HCFC2: variants seen among roughly 807,000 people sequenced by gnomAD.
HCFC2 encodes host cell factor C2.
In HCFC2, 18 loss-of-function variants were observed where a neutral mutation model predicts 89.2. The observed-to-expected ratio is 0.20, with a 90% CI of 0.14 to 0.30. The LOEUF (loss-of-function observed/expected upper bound fraction) is 0.30. Among genes scored for constraint, HCFC2 ranks in the 10% least tolerant of loss-of-function variants. The probability of loss-of-function intolerance (pLI) is 1.00; values close to 1 mark genes in which losing one functional copy is unlikely to be tolerated. For missense variants in HCFC2, 578 were observed against 956.1 expected, an observed-to-expected ratio of 0.60 and a Z score of 5.21; for synonymous variants, 308 against 335.7, an observed-to-expected ratio of 0.92 and a Z score of 0.90.
chr12:104,093,494 T>C lies in HCFC2; in HGVS notation c.1393T>C (p.Tyr465His). The C allele has an allele frequency of 1.2e-6, 2 of 1,613,120 alleles. No homozygotes were observed. The highest frequency in any genetic ancestry group is 2.2e-5 in the South Asian group (2 of 91,062). ...ACTGACGGATTCTAATGCCATTTTA[T>C]ATCCATCTTTGGCATCAAATGCTTC... Reference protein sequence around the residue: ...KALTDSNAILYPSLASNASNH... With the variant: ...KALTDSNAILHPSLASNASNH... Residue 465 changes from tyrosine to histidine, a missense_variant, in exon 10 of 15, where the codon TAT becomes CAT. By Grantham distance (83) the Tyr-to-His change is moderately conservative. Coordinates refer to ENST00000229330, the MANE Select transcript of HCFC2 (RefSeq NM_013320.3).
chr12:104,066,051 T>G (rs1883122568), intron 1 of HCFC2, 116 bp from the exon 2 acceptor site: 21 of 999,690 alleles, frequency 2.1e-5, no homozygotes, highest in Non-Finnish European at 3.1e-5. Flanking sequence ...AAATGTCTTC[T>G]GGGGGGCAGA....
At chr12:104,099,653 G>A (rs1014818005) in intron 13 of HCFC2, among the ~76,000 whole-genome samples, 1 of 151,992 alleles carries the variant, frequency 6.6e-6, no homozygotes, top group East Asian at 1.9e-4. Context: ...CACTGAGGTG[G>A]AGAGTTTTTT....
chr12:104,093,028 G>T (rs940255233), intron 9 of HCFC2, among the ~76,000 whole-genome samples: 1 of 152,226 alleles, frequency 6.6e-6, no homozygotes, highest in East Asian at 1.9e-4. Flanking sequence ...ATACATGTCT[G>T]CCCTTTAAGA....
chr12:104,075,736 C>T (rs2136601929), intron 3 of HCFC2, among the ~76,000 whole-genome samples: 1 of 152,256 alleles, frequency 6.6e-6, no homozygotes, highest in South Asian at 2.1e-4. Context: ...CTGGGATTAC[C>T]CGCTTGAGCC....
At chr12:104,102,878 T>G (rs2029990295) in intron 14 of HCFC2, 81 bp from the exon 15 acceptor site, 1 of 1,160,580 alleles carries the variant, frequency 8.6e-7, no homozygotes, top group African/African-American at 1.6e-5. Context: ...CATTTTGTAT[T>G]CTAAAGATAG....
At chr12:104,088,636 A>G (rs999912242) in intron 9 of HCFC2, among the ~76,000 whole-genome samples, 3 of 152,168 alleles carry the variant, frequency 2.0e-5, no homozygotes. Flanking sequence ...GTTTTCAAGG[A>G]AATTGATGTA....
intron 3 of HCFC2, among the ~76,000 whole-genome samples, chr12:104,077,350 C>T (rs1883528398): frequency 6.6e-6 from 1 of 151,822 alleles, no homozygotes; most frequent in African/African-American, 2.4e-5. Flanking sequence ...TCAAGTGATT[C>T]TCTTGCCTCA....
At chr12:104,086,774 T>A in intron 7 of HCFC2, 73 bp from the exon 8 acceptor site, 6 of 1,355,204 alleles carry the variant, frequency 4.4e-6, no homozygotes, top group Non-Finnish European at 6.2e-6. Context: ...AAAGCTCTGG[T>A]CCACACAAAT....
In HCFC2 at chr12:104,082,816, A is replaced by G. The variant is rs1200345164; in HGVS notation, c.978A>G (p.Arg326=). Residue 326 remains arginine (R), a synonymous_variant, in exon 7 of 15, where the codon CGA becomes CGG. Transcript: ENST00000229330. ...AGHCAVAIGT[R]LYFWSGRDGY... The stretch of plus-strand genomic sequence containing the variant: ...ACTGTGCTGTTGCAATCGGCACTCG[A>G]TTGTATTTTTGGAGTGGAAGAGATG... 1 of 1,613,876 alleles carries G rather than the reference A, an allele frequency of 6.2e-7. No homozygotes were observed. Among genetic ancestry groups the G allele is most frequent in the African/African-American group, 1.3e-5 (1 of 74,928 alleles).
At chr12:104,099,155 A>C (rs533544432) in intron 13 of HCFC2, among the ~76,000 whole-genome samples, 1 of 152,280 alleles carries the variant, frequency 6.6e-6, no homozygotes, top group South Asian at 2.1e-4. Flanking sequence ...CATGTCTTAC[A>C]TGGCATGAAC....
In HCFC2 at chr12:104,101,987, C is replaced by T; in HGVS notation, c.1898C>T (p.Pro633Leu). Residue 633 changes from proline (P) to leucine (L), a missense_variant, in exon 14 of 15, where the codon CCT becomes CTT. Pro to Leu is a moderately conservative substitution (Grantham distance 98). Around this residue, in one of 4 missense-constraint regions of HCFC2, gnomAD observed 140 missense variants for 266.4 expected, o/e 0.53. Coordinates refer to ENST00000229330, the MANE Select transcript of HCFC2 (RefSeq NM_013320.3). The part of the protein sequence containing the change: ...SISKVGNADV[P>L]DYSLLKKQDL... ...TTTTAGGTAGGAAATGCAGATGTAC[C>T]TGACTACAGCTTGCTTAAGAAACAA... 1 of 1,605,160 alleles carries T rather than the reference C, an allele frequency of 6.2e-7. No homozygotes were observed. Among genetic ancestry groups the T allele is most frequent in the African/African-American group, 1.3e-5 (1 of 74,914 alleles).
Position 104,068,117 on chromosome 12 carries a change from C to G in HCFC2, c.473+10C>G. 6.4e-7 allele frequency: 1 copy of G among 1,558,114 alleles called. No homozygotes were observed. The highest frequency in any genetic ancestry group is 8.6e-7 in the Non-Finnish European group (1 of 1,158,164). On this transcript the variant is annotated intron_variant, in intron 3 of 14. Transcript: ENST00000229330. This position sits in a 1 kb window ranked among gnomAD's most constrained non-coding sequence, Gnocchi z 4.1. ...ACAATAATGTTCCCAGGTATGCTGA[C>G]TCTTTCAGACCAAATGCTTATTTTA...
At position 104,068,348 on chromosome 12, in the gene HCFC2, A is replaced by G. The variant is rs1442861700; in HGVS notation, c.473+241A>G. Among the ~76,000 whole-genome samples the G allele has an allele frequency of 6.6e-6, 1 of 152,198 alleles. No individual in the cohort carries two copies. Among genetic ancestry groups the G allele is most frequent in the East Asian group, 1.9e-4 (1 of 5,202 alleles). Reference sequence around the variant, plus strand: ...ACAAAAAAACTGTGTCTTTCTAATGAGAAATCATCTTATTAAATTAATATT... The same window carrying G: ...ACAAAAAAACTGTGTCTTTCTAATGGGAAATCATCTTATTAAATTAATATT... On this transcript the variant is annotated intron_variant, in intron 3 of 14. Transcript: ENST00000229330. The surrounding 1 kb of genome is among the most constrained non-coding windows in gnomAD (Gnocchi z 4.1).
chr12:104,101,672 T>C (rs889546850), intron 13 of HCFC2, among the ~76,000 whole-genome samples: 1 of 152,150 alleles, frequency 6.6e-6, no homozygotes, highest in Non-Finnish European at 1.5e-5. Context: ...GTCAGCTTTT[T>C]TTCTACCTTC....
chr12:104,067,293 G>A (rs1013340919), intron 2 of HCFC2, among the ~76,000 whole-genome samples: 2 of 152,104 alleles, frequency 1.3e-5, no homozygotes, highest in African/African-American at 4.8e-5. Context: ...CCCCCACCTT[G>A]ACAATACATA....
At position 104,097,655 on chromosome 12, in the gene HCFC2, AAACAGTGTCTCATTTAT is replaced by A. The variant is rs1175390002; in HGVS notation, c.1741-685_1741-669del. On this transcript the variant is annotated intron_variant, in intron 12 of 14. Coordinates refer to ENST00000229330, the MANE Select transcript of HCFC2 (RefSeq NM_013320.3). The stretch of plus-strand genomic sequence containing the variant: ...GTGCACATTTGTTTTGAGCTTCTGG[AAACAGTGTCTCATTTAT>A]AAGAAGATGGCTTTAAAAGGTTAGT... The A allele has an allele frequency of 3.1e-6, 3 of 981,826 alleles. No individual in the cohort carries two copies. In the African/African-American group the frequency reaches 5.2e-5, roughly 17 times the overall value. 60.8% of individuals were successfully genotyped at this position (981,826 alleles called of 1,614,324 possible). A position where few individuals can be genotyped will look rare whatever the true frequency, so the allele number is the denominator to read the frequency against.
In HCFC2 at chr12:104,082,889, T is replaced by C; in HGVS notation, c.1051T>C (p.Tyr351His). ...TCAAGTTTGCTGCAAGGATCTTTGG[T>C]ATCTTGATACTGGTAGGTAAGAATA... ...NSQVCCKDLW[Y>H]LDTEKPPAPS... The change falls in exon 7 of 15, where the codon TAT becomes CAT. Residue 351 changes from tyrosine (Y) to histidine (H), a missense_variant. Transcript: ENST00000229330. The C allele has an allele frequency of 6.2e-7, 1 of 1,601,454 alleles. No individual in the cohort carries two copies. The highest frequency in any genetic ancestry group is 8.5e-7 in the Non-Finnish European group (1 of 1,175,730).
At chr12:104,066,118 G>A (rs1329056476) in intron 1 of HCFC2, 49 bp from the exon 2 acceptor site, 2 of 1,572,448 alleles carry the variant, frequency 1.3e-6, no homozygotes, top group Non-Finnish European at 1.7e-6. Context: ...GATAGTATAT[G>A]ATAACCGTTG....
At chr12:104,084,011 G>C (rs1478434039) in intron 7 of HCFC2, among the ~76,000 whole-genome samples, 1 of 152,168 alleles carries the variant, frequency 6.6e-6, no homozygotes, top group Non-Finnish European at 1.5e-5. Context: ...CTGGGTATCA[G>C]AGCAAGACCC....
Sources: gnomAD v4.1 joint callset for allele counts (sites outside exome capture counted in the v4.1 genomes callset) on GRCh38, gnomAD v4.1.1 for gene constraint, gnomAD v4.1.1 regional missense constraint, Gnocchi (gnomAD v3.1) non-coding constraint, MANE v1.5 for transcripts, NCBI Gene and HGNC (gene_info 2026-07-23, HGNC 2026-07-21) for gene names.